The following DHRS7B variants were observed in gnomAD, a reference collection of about 807,000 sequenced individuals.
DHRS7B encodes dehydrogenase/reductase 7B.
Under a neutral mutation model 26.4 loss-of-function variants are expected in DHRS7B, and 24 were observed. The observed-to-expected ratio is 0.91, with a 90% CI of 0.66 to 1.28. DHRS7B has a LOEUF of 1.28. Ranked by LOEUF, DHRS7B falls within the 50% of genes most tolerant of loss-of-function variation. The pLI, the probability that DHRS7B is intolerant of heterozygous loss-of-function variation, is 0.00. For missense variants in DHRS7B, 368 were observed against 419.4 expected (o/e 0.88, Z 1.07); for synonymous variants, 142 against 166.4 (o/e 0.85, Z 1.13).
chr17:21,148,072 T>A (rs1018049932), intron 1 of DHRS7B, among the ~76,000 whole-genome samples: 4 of 151,990 alleles, frequency 2.6e-5, no homozygotes, highest in Non-Finnish European at 5.9e-5. Context: ...TAAAATAATT[T>A]TTGAAATTTA....
At chr17:21,161,331 A>T (rs548026458) in intron 1 of DHRS7B, among the ~76,000 whole-genome samples, 4 of 152,336 alleles carry the variant, frequency 2.6e-5, no homozygotes, top group African/African-American at 9.6e-5. Context: ...CTTTCCGCTC[A>T]GTTTTCCTGT....
intron 1 of DHRS7B, among the ~76,000 whole-genome samples, chr17:21,144,556 G>A (rs1430247663): frequency 6.6e-6 from 1 of 152,110 alleles, no homozygotes; most frequent in African/African-American, 2.4e-5. Context: ...GGTGACTCAC[G>A]CCTGTAATCC....
intron 2 of DHRS7B, among the ~76,000 whole-genome samples, chr17:21,172,937 CG>C (rs1374487832): frequency 6.6e-6 from 1 of 152,232 alleles, no homozygotes; most frequent in Non-Finnish European, 1.5e-5. Context: ...TGACTTGGCA[CG>C]TTGCACATGC....
intron 1 of DHRS7B, among the ~76,000 whole-genome samples, chr17:21,138,874 A>G (rs1288304286): frequency 6.6e-6 from 1 of 152,188 alleles, no homozygotes. Flanking sequence ...TATATTCTAA[A>G]TTATGACCAG....
Position 21,180,486 on chromosome 17 carries a change from T to G in DHRS7B, c.309+2144T>G, listed in dbSNP as rs1974493365. On this transcript the variant is annotated intron_variant, in intron 3 of 6. Transcript: ENST00000395511. ...TTATTTTGCACGTGATTATCTACTT[T>G]TCCCAGCACCATTTGTTGAAGACTG... 2.0e-5 allele frequency among the ~76,000 whole-genome samples: 3 copies of G among 152,340 alleles called. No individual in the cohort carries two copies. In the South Asian group the frequency reaches 6.2e-4, roughly 32 times the overall value.
chr17:21,144,515 G>C (rs1244377661), intron 1 of DHRS7B, among the ~76,000 whole-genome samples: 2 of 152,144 alleles, frequency 1.3e-5, no homozygotes, highest in Non-Finnish European at 2.9e-5. Flanking sequence ...GTGAATATTT[G>C]CATTGCAGAA....
chr17:21,186,369 A>C (rs1974634881), intron 5 of DHRS7B, among the ~76,000 whole-genome samples: 1 of 152,186 alleles, frequency 6.6e-6, no homozygotes, highest in African/African-American at 2.4e-5. Context: ...CAGCTGTCAG[A>C]GTGTAGCCTT....
intron 1 of DHRS7B, among the ~76,000 whole-genome samples, chr17:21,164,432 T>C (rs147940623): frequency 6.6e-6 from 1 of 152,372 alleles, no homozygotes; most frequent in African/African-American, 2.4e-5. Context: ...CCTGAACTCC[T>C]AGATTTCTGA....
At chr17:21,140,359 CG>C (rs1396484989) in intron 1 of DHRS7B, among the ~76,000 whole-genome samples, 1 of 151,894 alleles carries the variant, frequency 6.6e-6, no homozygotes, top group Non-Finnish European at 1.5e-5. Context: ...CTGTCAGCTA[CG>C]TAGCCTTAAA....
chr17:21,139,414 G>A (rs1325769195), intron 1 of DHRS7B, among the ~76,000 whole-genome samples: 2 of 152,102 alleles, frequency 1.3e-5, no homozygotes, highest in African/African-American at 2.4e-5. Flanking sequence ...GGTGGCTCAC[G>A]CCTGTAATCC....
chr17:21,129,704 C>CAAAAAAA (rs61077377), intron 1 of DHRS7B, among the ~76,000 whole-genome samples: 35 of 74,474 alleles, frequency 4.7e-4, no homozygotes, highest in African/African-American at 7.6e-4. Context: ...GACCCTGACT[C>CAAAAAAA]AAAAAAAAAA....
intron 1 of DHRS7B, among the ~76,000 whole-genome samples, chr17:21,132,638 A>C (rs2143859793): frequency 6.6e-6 from 1 of 151,468 alleles, no homozygotes; most frequent in East Asian, 1.9e-4. Flanking sequence ...GCTGCCTATG[A>C]CTGGCTGAAA....
At chr17:21,168,650 C>T (rs1404523705) in intron 1 of DHRS7B, 14 of 907,508 alleles carry the variant, frequency 1.5e-5, no homozygotes, top group African/African-American at 1.8e-5. Flanking sequence ...ATTACAGGCG[C>T]GAGGCACTGC....
chr17:21,131,517 G>A (rs1489451828), intron 1 of DHRS7B, among the ~76,000 whole-genome samples: 2 of 152,214 alleles, frequency 1.3e-5, no homozygotes, highest in African/African-American at 4.8e-5. Flanking sequence ...TCCATTTGGT[G>A]GGTTTTGGCC....
At chr17:21,179,762 C>CTTTTTTTTTTT (rs55928399) in intron 3 of DHRS7B, among the ~76,000 whole-genome samples, 8 of 137,602 alleles carry the variant, frequency 5.8e-5, no homozygotes, top group African/African-American at 5.2e-5. Flanking sequence ...TTTTCACTTT[C>CTTTTTTTTTTT]TTTTTTTTTT....
chr17:21,151,650 T>C (rs1463330681), intron 1 of DHRS7B, among the ~76,000 whole-genome samples: 1 of 152,010 alleles, frequency 6.6e-6, no homozygotes, highest in African/African-American at 2.4e-5. Flanking sequence ...AAAAGACAGA[T>C]AGGTGGATAC....
intron 4 of DHRS7B, 102 bp from the exon 5 acceptor site, chr17:21,184,269 C>A: frequency 9.7e-7 from 1 of 1,035,086 alleles, no homozygotes; most frequent in Non-Finnish European, 1.4e-6. Flanking sequence ...CACCATTCTC[C>A]CTCATTCTGA....
chr17:21,152,982 A>G (rs982375146), intron 1 of DHRS7B, among the ~76,000 whole-genome samples: 1 of 149,264 alleles, frequency 6.7e-6, no homozygotes, highest in South Asian at 2.1e-4. Context: ...TACCCAGTGC[A>G]TCCTGTCCAC....
chr17:21,140,537 C>G (rs1355647749), intron 1 of DHRS7B, among the ~76,000 whole-genome samples: 2 of 148,586 alleles, frequency 1.3e-5, no homozygotes, highest in Non-Finnish European at 3.0e-5. Context: ...CACACACACA[C>G]ACCCTGACAC....
Sources: allele counts gnomAD v4.1 joint callset (sites outside exome capture counted in the v4.1 genomes callset), GRCh38; gene constraint gnomAD v4.1.1; transcripts MANE v1.5; gene names NCBI Gene and HGNC (gene_info 2026-07-23, HGNC 2026-07-21).